PIK3C2A: variants seen among roughly 807,000 people sequenced by gnomAD.
The protein encoded by PIK3C2A is phosphatidylinositol 4-phosphate 3-kinase C2 domain-containing subunit alpha.
A neutral mutation model predicts 204.5 loss-of-function variants in PIK3C2A; 97 were observed. The ratio of observed to expected loss-of-function variants is 0.47; its 90% CI spans 0.40 to 0.56. PIK3C2A has a LOEUF of 0.56. PIK3C2A is among the 20% of genes least tolerant of loss of function. The pLI is 0.00. For missense variants in PIK3C2A, 1,735 were observed against 1,969.2 expected (o/e 0.88, Z 2.25); for synonymous variants, 653 against 664.4 (o/e 0.98, Z 0.26).
In PIK3C2A at chr11:17,101,281, T is replaced by C; in HGVS notation, c.4005A>G (p.Ser1335=). Residue 1335 remains serine (S), a synonymous_variant, in exon 25 of 33, where the codon TCA becomes TCG. Coordinates refer to ENST00000691414, the MANE Select transcript of PIK3C2A (RefSeq NM_002645.4). ...AGTGCTTATAAAGAATAGTTACCAG[T>C]GAAAGGAGGTTAAGAAAAAGGTTTG... The part of the protein sequence containing the change: ...KQTNLFLNLL[S]LMIPSGLPEL... 2 of 1,527,096 alleles carry C rather than the reference T, an allele frequency of 1.3e-6. No individual in the cohort carries two copies. The highest frequency in any genetic ancestry group is 2.3e-5 in the East Asian group (1 of 43,902). The allele number at this position is 1,527,096 out of a possible 1,614,324, so 94.6% of individuals were successfully genotyped here. A position where few individuals can be genotyped will look rare whatever the true frequency, so the allele number is the denominator to read the frequency against.
intron 8 of PIK3C2A, among the ~76,000 whole-genome samples, chr11:17,139,577 G>A (rs182556408): frequency 1.2e-4 from 18 of 152,204 alleles, no homozygotes; most frequent in African/African-American, 4.1e-4. Context: ...GCTGGCCCAC[G>A]CTGATACATC....
At chr11:17,097,528 G>T (rs1214403173) in intron 26 of PIK3C2A, among the ~76,000 whole-genome samples, 1 of 152,128 alleles carries the variant, frequency 6.6e-6, no homozygotes, top group Non-Finnish European at 1.5e-5. Context: ...AGCTATTATA[G>T]ATAGATGATG....
chr11:17,136,738 C>G, intron 8 of PIK3C2A, 113 bp from the exon 9 acceptor site: 1 of 543,660 alleles, frequency 1.8e-6, no homozygotes, highest in Non-Finnish European at 3.1e-6. Context: ...ATCCTCTACT[C>G]TTTTGTGATG....
chr11:17,137,596 A>G (rs933652600), intron 8 of PIK3C2A, among the ~76,000 whole-genome samples: 1 of 151,688 alleles, frequency 6.6e-6, no homozygotes, highest in Non-Finnish European at 1.5e-5. Flanking sequence ...TTTAGTAGAG[A>G]TGGGGTTTCA....
At chr11:17,159,010 A>T (rs1305936916) in intron 2 of PIK3C2A, among the ~76,000 whole-genome samples, 1 of 152,180 alleles carries the variant, frequency 6.6e-6, no homozygotes, top group Non-Finnish European at 1.5e-5. Context: ...AAACATTAAC[A>T]GTTTTGGGTT....
chr11:17,153,182 A>C (rs1404180671), intron 3 of PIK3C2A, among the ~76,000 whole-genome samples: 1 of 152,178 alleles, frequency 6.6e-6, no homozygotes, highest in Non-Finnish European at 1.5e-5. Context: ...CTGTAATGCC[A>C]GCACTTTGGG....
At chr11:17,188,498 T>A (rs1415773103) in intron 1 of PIK3C2A, among the ~76,000 whole-genome samples, 1 of 147,028 alleles carries the variant, frequency 6.8e-6, no homozygotes, top group Non-Finnish European at 1.5e-5. Flanking sequence ...TAGATGGGGA[T>A]AAGAAGAAAC....
intron 2 of PIK3C2A, among the ~76,000 whole-genome samples, chr11:17,165,127 G>C (rs1172029706): frequency 6.6e-6 from 1 of 152,060 alleles, no homozygotes; most frequent in Non-Finnish European, 1.5e-5. Context: ...TTTGGGTTTT[G>C]AGCTGAAAAG....
intron 23 of PIK3C2A, among the ~76,000 whole-genome samples, chr11:17,103,724 G>A (rs1848716941): frequency 6.6e-6 from 1 of 152,180 alleles, no homozygotes; most frequent in Non-Finnish European, 1.5e-5. Flanking sequence ...AACAGAGGTT[G>A]TTTGCCCAAG....
chr11:17,116,662 T>C (rs1007267071), intron 19 of PIK3C2A, among the ~76,000 whole-genome samples: 2 of 152,082 alleles, frequency 1.3e-5, no homozygotes, highest in Non-Finnish European at 2.9e-5. Context: ...CGATCTCGGT[T>C]CACTGCAAGC....
In PIK3C2A at chr11:17,100,513, C is replaced by T. The variant is rs117548921; in HGVS notation, c.4009-544G>A. Reference sequence around the variant, plus strand: ...CTGGGATTACAGGCATGAGCCACCGCGCCTGGCCTAGGCCACTGTTTTTAC... The same window carrying T: ...CTGGGATTACAGGCATGAGCCACCGTGCCTGGCCTAGGCCACTGTTTTTAC... On this transcript the variant is annotated intron_variant, in intron 25 of 32. Transcript: ENST00000691414. Among the ~76,000 whole-genome samples, 55 of 152,206 alleles carry T rather than the reference C, an allele frequency of 3.6e-4. No individual in the cohort carries two copies. In the East Asian group the frequency reaches 8.9e-3, roughly 25 times the overall value.
chr11:17,135,285 C>A, intron 9 of PIK3C2A, 126 bp from the exon 10 acceptor site: 3 of 856,820 alleles, frequency 3.5e-6, no homozygotes, highest in East Asian at 2.5e-5. Context: ...ATTAATAAAA[C>A]GATAAATAAA....
At chr11:17,149,503 C>G (rs966916913) in intron 4 of PIK3C2A, among the ~76,000 whole-genome samples, 7 of 152,118 alleles carry the variant, frequency 4.6e-5, no homozygotes, top group Non-Finnish European at 1.0e-4. Flanking sequence ...TTAGCAGTAT[C>G]TAGCAAACAA....
At chr11:17,177,560 G>A (rs1459341715) in intron 1 of PIK3C2A, among the ~76,000 whole-genome samples, 1 of 152,034 alleles carries the variant, frequency 6.6e-6, no homozygotes, top group African/African-American at 2.4e-5. Context: ...AAACTAGGAG[G>A]GAGATGGTAA....
chr11:17,168,759 A>G lies in PIK3C2A; in HGVS notation c.983T>C (p.Leu328Pro), dbSNP rs1851057398. Reference sequence around the variant, plus strand: ...GCTTCTTGTAACAGTTGCCACAGAAAGGGATTTTCCATTCACCTTTCTTTC... The same window carrying G: ...GCTTCTTGTAACAGTTGCCACAGAAGGGGATTTTCCATTCACCTTTCTTTC... ...HLERKVNGKS[L>P]SVATVTRSQS... Residue 328 changes from leucine to proline, a missense_variant, in exon 2 of 33, where the codon CTT becomes CCT. By Grantham distance (98) the Leu-to-Pro change is moderately conservative. This residue lies in a region of PIK3C2A where 536 missense variants were observed against 546.7 expected (regional missense o/e 0.98). Coordinates refer to ENST00000691414, the MANE Select transcript of PIK3C2A (RefSeq NM_002645.4). The G allele has an allele frequency of 1.2e-6, 2 of 1,613,888 alleles. No individual in the cohort carries two copies. Among genetic ancestry groups the G allele is most frequent in the Middle Eastern group, 1.6e-4 (1 of 6,062 alleles).
chr11:17,091,321 G>A lies in PIK3C2A; in HGVS notation c.4878+13C>T, dbSNP rs201507095. 19 of 1,602,294 alleles carry A rather than the reference G, an allele frequency of 1.2e-5. No individual in the cohort carries two copies. The East Asian group carries it at 4.2e-4, about 36-fold the overall frequency. Reference sequence around the variant, plus strand: ...ATAAACCAAGGAAACTTCTAGAAATGATTTTAACTTACCATTTCATTGAAT... The same window carrying A: ...ATAAACCAAGGAAACTTCTAGAAATAATTTTAACTTACCATTTCATTGAAT... On this transcript the variant is annotated intron_variant, in intron 32 of 32. Transcript: ENST00000691414.
rs1280784372 is a variant in PIK3C2A at position 17,094,339 on chromosome 11, AATG to A, written c.4370_4372del (p.Ser1457del). On this transcript the variant is annotated inframe_deletion, in exon 28 of 33. Transcript: ENST00000691414. ...AAATTCGTCAAATGTTCGGAAGACA[AATG>A]ATGGTTCAATCTGTCCTTCCCTCAA... 1 of 1,609,940 alleles carries A rather than the reference AATG, an allele frequency of 6.2e-7. No homozygotes were observed. Among genetic ancestry groups the A allele is most frequent in the Non-Finnish European group, 8.5e-7 (1 of 1,176,286 alleles).
chr11:17,134,940 C>G lies in PIK3C2A; in HGVS notation c.1987G>C (p.Gly663Arg). 6.2e-7 allele frequency: 1 copy of G among 1,613,958 alleles called. No individual in the cohort carries two copies. Among genetic ancestry groups the G allele is most frequent in the South Asian group, 1.1e-5 (1 of 91,082 alleles). ...YDLLRLHANSGRSPTDCAQSS... is the reference protein window; with the variant it reads ...YDLLRLHANSRRSPTDCAQSS... Reference sequence around the variant, plus strand: ...TGGGCACAGTCTGTAGGACTCCTACCAGAATTTGCATGGAGTCTGAGAAGA... The same window carrying G: ...TGGGCACAGTCTGTAGGACTCCTACGAGAATTTGCATGGAGTCTGAGAAGA... Residue 663 changes from glycine to arginine, a missense_variant, in exon 11 of 33, where the codon GGT becomes CGT. By Grantham distance (125) the Gly-to-Arg change is moderately radical. Transcript: ENST00000691414.
chr11:17,102,875 T>A (rs1848686641), intron 23 of PIK3C2A, 44 bp from the exon 24 acceptor site: 3 of 1,288,302 alleles, frequency 2.3e-6, no homozygotes, highest in Non-Finnish European at 3.3e-6. Flanking sequence ...GAATTATTTT[T>A]AAAAGAGGCA....
Sources: allele counts gnomAD v4.1 joint callset (sites outside exome capture counted in the v4.1 genomes callset), GRCh38; gene constraint gnomAD v4.1.1; regional missense constraint gnomAD v4.1.1; transcripts MANE v1.5; gene names NCBI Gene and HGNC (gene_info 2026-07-23, HGNC 2026-07-21).